Variants in SLC4A5 observed in about 807,000 individuals in gnomAD.
SLC4A5 encodes solute carrier family 4 member 5, also known as electrogenic sodium bicarbonate cotransporter 4.
Under a neutral mutation model 120.4 loss-of-function variants are expected in SLC4A5, and 96 were observed. The observed-to-expected ratio is 0.80, with a 90% confidence interval of 0.68 to 0.94. The LOEUF is 0.94. Ranked by LOEUF, SLC4A5 falls within the 40% of genes least tolerant of loss-of-function variation. The probability of loss-of-function intolerance (pLI) is 0.00; values close to 1 mark genes in which losing one functional copy is unlikely to be tolerated. For missense variants in SLC4A5, 1,259 were observed against 1,459.5 expected (o/e 0.86, Z 2.24); for synonymous variants, 550 against 571.1 (o/e 0.96, Z 0.53).
chr2:74,226,019 G>T (rs1374497828), intron 27 of SLC4A5, among the ~76,000 whole-genome samples: 2 of 152,138 alleles, frequency 1.3e-5, no homozygotes, highest in African/African-American at 4.8e-5. Context: ...CAGCTCTGAG[G>T]CCCCTGAGGG....
At chr2:74,230,062 C>A (rs768663787) in intron 25 of SLC4A5, among the ~76,000 whole-genome samples, 1 of 151,698 alleles carries the variant, frequency 6.6e-6, no homozygotes, top group African/African-American at 2.4e-5. Flanking sequence ...CTATGTTGCC[C>A]AGGCTGGTCT....
intron 8 of SLC4A5, among the ~76,000 whole-genome samples, chr2:74,283,672 C>T (rs944004546): frequency 2.0e-4 from 30 of 152,116 alleles, no homozygotes; most frequent in African/African-American, 7.2e-4. Flanking sequence ...TCACAGTGGC[C>T]CCCATGCAGA....
chr2:74,220,776 A>G (rs1694613473), intron 30 of SLC4A5, among the ~76,000 whole-genome samples: 1 of 149,296 alleles, frequency 6.7e-6, no homozygotes, highest in Non-Finnish European at 1.5e-5. Flanking sequence ...TCAGCCTCCC[A>G]AAGTGCTGGG....
At position 74,228,667 on chromosome 2, in the gene SLC4A5, C is replaced by A. The variant is rs539910377; in HGVS notation, c.2848-789G>T. ...GCAAACAAACAAACCCCCCCGCCCC[C>A]CAAAAAAACCAAAAAAAAACAGAAA... On this transcript the variant is annotated intron_variant, in intron 25 of 30. Transcript: ENST00000394019. 2.9e-3 allele frequency among the ~76,000 whole-genome samples: 418 copies of A among 144,522 alleles called. 3 individuals are homozygous for A. The highest frequency in any genetic ancestry group is 0.011 in the African/African-American group (407 of 37,644). 94.8% of individuals were successfully genotyped at this position (144,522 alleles called of 152,430 possible). A position where few individuals can be genotyped will look rare whatever the true frequency, so the allele number is the denominator to read the frequency against.
chr2:74,302,375 G>C (rs933709770), intron 7 of SLC4A5, among the ~76,000 whole-genome samples: 6 of 152,228 alleles, frequency 3.9e-5, no homozygotes, highest in Non-Finnish European at 4.4e-5. Flanking sequence ...CCAGCACTTT[G>C]GGAGGCTGAA....
chr2:74,232,566 C>T lies in SLC4A5; in HGVS notation c.2677G>A (p.Val893Met), dbSNP rs753309560. 16 of 1,613,870 alleles carry T rather than the reference C, an allele frequency of 9.9e-6. 1 individual carries two copies. Among genetic ancestry groups the T allele is most frequent in the South Asian group, 3.3e-5 (3 of 91,088 alleles). The change falls in exon 24 of 31, where the codon GTG becomes ATG. Residue 893 changes from valine (V) to methionine (M), a missense_variant. Val to Met is a conservative substitution (Grantham distance 21, BLOSUM62 1). Coordinates refer to ENST00000394019, the Ensembl canonical transcript of SLC4A5. ...GCGATGGAGATGACCGTGGCAGCCA[C>T]GTACCAGGGGAGCCCCATAAAGGAG...
chr2:74,332,774 GGAGA>G (rs1169691641), intron 4 of SLC4A5, among the ~76,000 whole-genome samples: 1 of 151,850 alleles, frequency 6.6e-6, no homozygotes, highest in Non-Finnish European at 1.5e-5. Flanking sequence ...AGATGAGGAG[GGAGA>G]GAAAGACCTA....
intron 19 of SLC4A5, among the ~76,000 whole-genome samples, chr2:74,244,158 A>G (rs900392010): frequency 6.6e-6 from 1 of 152,168 alleles, no homozygotes; most frequent in Non-Finnish European, 1.5e-5. Context: ...ATGTTATCTT[A>G]ATCAAAACTA....
At chr2:74,341,419 C>A (rs1036527114) in intron 2 of SLC4A5, among the ~76,000 whole-genome samples, 1 of 152,046 alleles carries the variant, frequency 6.6e-6, no homozygotes, top group African/African-American at 2.4e-5. Context: ...TGCACATTAG[C>A]TTTAATTGTT....
At chr2:74,264,828 A>G (rs1671251958) in intron 9 of SLC4A5, among the ~76,000 whole-genome samples, 1 of 152,180 alleles carries the variant, frequency 6.6e-6, no homozygotes, top group Non-Finnish European at 1.5e-5. Flanking sequence ...GGCAAGAGGT[A>G]TCTCTGACTA....
chr2:74,254,706 T>C (rs750770822), exon 14 of SLC4A5: 3 of 1,610,666 alleles, frequency 1.9e-6, no homozygotes, highest in Non-Finnish European at 2.5e-6. Context: ...TAAACAGAAA[T>C]CTGCAAAGAA....
At chr2:74,275,208 C>T (rs566855886) in intron 8 of SLC4A5, among the ~76,000 whole-genome samples, 1 of 152,272 alleles carries the variant, frequency 6.6e-6, no homozygotes, top group African/African-American at 2.4e-5. Flanking sequence ...TTCGAGGGAG[C>T]TGTGGTGAAT....
At chr2:74,264,330 GT>G in intron 9 of SLC4A5, 31 bp from the exon 10 acceptor site, 1 of 1,603,770 alleles carries the variant, frequency 6.2e-7, no homozygotes, top group South Asian at 1.1e-5. Context: ...CCTCATCCCT[GT>G]GGGACAGAAC....
In SLC4A5 at chr2:74,322,188, G is replaced by GAA. The variant is rs56951215; in HGVS notation, c.-3+5930_-3+5931dup. 8.3e-3 allele frequency among the ~76,000 whole-genome samples: 1,147 copies of GAA among 138,576 alleles called. 23 individuals carry two copies. The highest frequency in any genetic ancestry group is 0.027 in the African/African-American group (1,024 of 38,248). The allele number at this position is 138,576 out of a possible 152,430, so 90.9% of individuals were successfully genotyped here. A position where few individuals can be genotyped will look rare whatever the true frequency, so the allele number is the denominator to read the frequency against. ...CTTATTGCTGGATTTCCTGTTATCT[G>GAA]AAAAAAAAAAAAAATCTCTATATTT... On this transcript the variant is annotated intron_variant, in intron 5 of 30. Coordinates refer to ENST00000394019, the Ensembl canonical transcript of SLC4A5.
chr2:74,304,499 G>C (rs764913119), exon 7 of SLC4A5: 9 of 1,612,044 alleles, frequency 5.6e-6, no homozygotes, highest in Non-Finnish European at 6.8e-6. Context: ...GAGTCCTGCT[G>C]ATAAGATCCA....
intron 8 of SLC4A5, among the ~76,000 whole-genome samples, chr2:74,266,553 G>A (rs1671309830): frequency 2.0e-5 from 3 of 152,154 alleles, no homozygotes; most frequent in South Asian, 2.1e-4. Flanking sequence ...ACAGTCGTGA[G>A]CCACCACGCC....
exon 21 of SLC4A5, chr2:74,239,339 G>A: frequency 3.1e-6 from 5 of 1,614,166 alleles, no homozygotes; most frequent in Non-Finnish European, 4.2e-6. Context: ...GCTTACCTTG[G>A]TAGGAAAATA....
At chr2:74,342,270 T>C (rs1225407955) in intron 2 of SLC4A5, among the ~76,000 whole-genome samples, 188 bp downstream of exon 2, 1 of 152,228 alleles carries the variant, frequency 6.6e-6, no homozygotes, top group Non-Finnish European at 1.5e-5. Flanking sequence ...CTACTTCTAG[T>C]GCAGTGGAGA....
chr2:74,315,076 G>A (rs1242214177), intron 5 of SLC4A5, 51 bp from the exon 6 acceptor site: 19 of 1,443,338 alleles, frequency 1.3e-5, no homozygotes, highest in African/African-American at 2.8e-5. Context: ...AAAAAGGGTA[G>A]GATTTCAAGG....
Sources: gnomAD v4.1 joint callset for allele counts (sites outside exome capture counted in the v4.1 genomes callset) on GRCh38, gnomAD v4.1.1 for gene constraint, MANE v1.5 for transcripts, NCBI Gene and HGNC (gene_info 2026-07-23, HGNC 2026-07-21) for gene names.